The following TENM4 variants were observed in gnomAD, a reference collection of about 807,000 sequenced individuals.
TENM4 encodes the protein teneurin transmembrane protein 4.
In TENM4, 82 loss-of-function variants were observed where a neutral mutation model predicts 243.3. The ratio of observed to expected loss-of-function variants is 0.34; its 90% confidence interval spans 0.28 to 0.40. TENM4 has a LOEUF of 0.40. TENM4 is among the 10% of genes least tolerant of loss of function. The pLI is 1.00. For missense variants in TENM4, 3,138 were observed against 3,673.3 expected (o/e 0.85, Z 3.77); for synonymous variants, 1,412 against 1,456.3 (o/e 0.97, Z 0.69).
Position 78,670,084 on chromosome 11 carries a change from G to A in TENM4, c.6261C>T (p.Asn2087=), listed in dbSNP as rs369153511. ...VNARFDYNYD[N]SFRVTSMQAV... ...CCTGCATGCTGGTCACCCGGAAGCT[G>A]TTGTCATAGTTGTAGTCAAAACGGG... The change falls in exon 32 of 34, where the codon AAC becomes AAT. Residue 2087 remains asparagine, a synonymous_variant. Transcript: ENST00000278550. 4.3e-6 allele frequency: 7 copies of A among 1,613,880 alleles called. No individual in the cohort carries two copies. The highest frequency in any genetic ancestry group is 5.1e-6 in the Non-Finnish European group (6 of 1,179,902).
At chr11:78,864,333 C>T (rs1356578300) in intron 9 of TENM4, among the ~76,000 whole-genome samples, 2 of 136,906 alleles carry the variant, frequency 1.5e-5, no homozygotes, top group Admixed American at 1.6e-4. Context: ...ACTTGGGAGG[C>T]TGAGGCAGGA....
rs771124363 is a variant in TENM4 at position 78,756,827 on chromosome 11, C to A, written c.2734G>T (p.Gly912Trp). 1 of 1,613,666 alleles carries A rather than the reference C, an allele frequency of 6.2e-7. No homozygotes were observed. The highest frequency in any genetic ancestry group is 8.5e-7 in the Non-Finnish European group (1 of 1,179,808). ...VGRDSTHIIP[G>W]ENPFDGGHAC... ...CACCCTCCATCAAAGGGGTTCTCCC[C>A]GGGGATTATGTGCGTGCTGTCCCTG... is the stretch of plus-strand genomic sequence containing the variant. The change falls in exon 19 of 34, where the codon GGG becomes TGG. Residue 912 changes from glycine (G) to tryptophan (W), a missense_variant. By Grantham distance (184) the Gly-to-Trp change is radical. Around this residue, in one of 2 missense-constraint regions of TENM4, gnomAD observed 2,467 missense variants for 3,059.1 expected, o/e 0.81. Transcript: ENST00000278550.
At chr11:79,322,090 C>G (rs1210293390) in intron 1 of TENM4, among the ~76,000 whole-genome samples, 1 of 152,220 alleles carries the variant, frequency 6.6e-6, no homozygotes, top group Non-Finnish European at 1.5e-5. Flanking sequence ...TGCACCACCT[C>G]CTGCTACATC....
rs545041263 is a variant in TENM4, at chr11:79,370,099, A to G, written c.-321+70410T>C. 4.7e-4 allele frequency among the ~76,000 whole-genome samples: 72 copies of G among 152,330 alleles called. No individual in the cohort carries two copies. The South Asian group carries it at 0.013, about 27-fold the overall frequency. ...CTGCTTTAATTTTCTAGAATTCATC[A>G]TCATGTAGGAGTGATGTGTTCAAGG... On this transcript the variant is annotated intron_variant, in intron 1 of 33. Coordinates refer to ENST00000278550, the MANE Select transcript of TENM4 (RefSeq NM_001098816.3).
At position 78,957,707 on chromosome 11, in the gene TENM4, C is replaced by T. The variant is rs539493513; in HGVS notation, c.494-54184G>A. Among the ~76,000 whole-genome samples the T allele has an allele frequency of 2.6e-5, 4 of 152,240 alleles. No homozygotes were observed. In the South Asian group the frequency reaches 6.2e-4, roughly 24 times the overall value. ...AAGGCAAGGCAGTAAGGACCCAGTG[C>T]TGAAAAAAGAAAAGACCCATGGACG... On this transcript the variant is annotated intron_variant, in intron 6 of 33. Coordinates refer to ENST00000278550, the MANE Select transcript of TENM4 (RefSeq NM_001098816.3).
At chr11:78,757,182 G>A (rs1215587985) in intron 18 of TENM4, among the ~76,000 whole-genome samples, 161 bp from the exon 19 acceptor site, 1 of 152,248 alleles carries the variant, frequency 6.6e-6, no homozygotes, top group Non-Finnish European at 1.5e-5. Context: ...ACAGATGCAA[G>A]TGACTCAGAT....
intron 9 of TENM4, among the ~76,000 whole-genome samples, chr11:78,872,275 A>T (rs1380573696): frequency 6.6e-6 from 1 of 152,220 alleles, no homozygotes; most frequent in Non-Finnish European, 1.5e-5. Flanking sequence ...TCAACAGGGC[A>T]AGCATTCTAG....
intron 1 of TENM4, among the ~76,000 whole-genome samples, chr11:79,343,678 G>A (rs1857279336): frequency 6.6e-6 from 1 of 152,016 alleles, no homozygotes; most frequent in Admixed American, 6.5e-5. Flanking sequence ...AATAGTTTGA[G>A]ACCAGAACAT....
intron 6 of TENM4, chr11:79,021,571 A>G (rs1432814953): frequency 6.6e-6 from 1 of 152,176 alleles, no homozygotes; most frequent in Non-Finnish European, 1.5e-5. Context: ...GGGGGTGTTC[A>G]TACCTTTTCA....
intron 12 of TENM4, among the ~76,000 whole-genome samples, chr11:78,819,369 T>C (rs1449379774): frequency 6.6e-6 from 1 of 152,236 alleles, no homozygotes; most frequent in Non-Finnish European, 1.5e-5. Flanking sequence ...TGCATCCTTC[T>C]GGTTTTCCTT....
In TENM4 at chr11:78,856,097, ATCT is replaced by A; in HGVS notation, c.1334_1336del (p.Lys445del). 1 of 1,551,696 alleles carries A rather than the reference ATCT, an allele frequency of 6.4e-7. No homozygotes were observed. Among genetic ancestry groups the A allele is most frequent in the Non-Finnish European group, 8.7e-7 (1 of 1,146,980 alleles). ...AGATCTCCAGAAAGTGCCAGGAGGA[ATCT>A]TCTGGGAAGCTCGCCTTCCCACATC... On this transcript the variant is annotated inframe_deletion, in exon 11 of 34. Coordinates refer to ENST00000278550, the MANE Select transcript of TENM4 (RefSeq NM_001098816.3).
intron 3 of TENM4, among the ~76,000 whole-genome samples, chr11:79,150,525 C>T (rs1862485229): frequency 1.3e-5 from 2 of 152,244 alleles, no homozygotes; most frequent in South Asian, 4.1e-4. Context: ...TCATCTAGAC[C>T]ACCACTTCCT....
intron 4 of TENM4, among the ~76,000 whole-genome samples, chr11:79,078,915 T>A (rs1336180298): frequency 6.6e-6 from 1 of 152,234 alleles, no homozygotes; most frequent in Non-Finnish European, 1.5e-5. Context: ...GTTCAAGCTT[T>A]TAATCATAAC....
chr11:79,259,969 C>G (rs1422576936), intron 2 of TENM4, among the ~76,000 whole-genome samples: 1 of 152,214 alleles, frequency 6.6e-6, no homozygotes, highest in Admixed American at 6.5e-5. Flanking sequence ...ATGCAGGAAA[C>G]TGTTAATAAT....
At chr11:79,235,089 G>A (rs555317217) in intron 2 of TENM4, among the ~76,000 whole-genome samples, 179 of 152,222 alleles carry the variant, frequency 1.2e-3, no homozygotes, top group Non-Finnish European at 2.2e-3. Flanking sequence ...TGAGGCGGGT[G>A]GATCATGAGG....
intron 6 of TENM4, among the ~76,000 whole-genome samples, chr11:78,973,766 A>T (rs77274263): frequency 0.096 from 14,480 of 151,378 alleles, 734 homozygotes; most frequent in Middle Eastern, 0.16. Context: ...GCCATTAAAT[A>T]TAATGGCAAA....
chr11:78,687,547 T>C (rs1858716561), intron 29 of TENM4, among the ~76,000 whole-genome samples: 1 of 152,176 alleles, frequency 6.6e-6, no homozygotes, highest in South Asian at 2.1e-4. Flanking sequence ...CATTGTGAAA[T>C]CTTTTTACTT....
chr11:78,950,653 T>C (rs762191182), intron 6 of TENM4, among the ~76,000 whole-genome samples: 3 of 152,244 alleles, frequency 2.0e-5, no homozygotes, highest in Non-Finnish European at 4.4e-5. Context: ...GAAATTTCCA[T>C]TTATTAAGAC....
chr11:79,198,415 C>T (rs760906480), intron 3 of TENM4, among the ~76,000 whole-genome samples: 2 of 152,330 alleles, frequency 1.3e-5, no homozygotes, highest in South Asian at 2.1e-4. Context: ...GCTTTCAACA[C>T]TCGCCAGGTG....
Sources: gnomAD v4.1 joint callset for allele counts (sites outside exome capture counted in the v4.1 genomes callset) on GRCh38, gnomAD v4.1.1 for gene constraint, gnomAD v4.1.1 regional missense constraint, MANE v1.5 for transcripts, NCBI Gene and HGNC (gene_info 2026-07-23, HGNC 2026-07-21) for gene names.